The following UBR1 variants were observed in gnomAD, a reference collection of about 807,000 sequenced individuals.
UBR1 encodes the protein ubiquitin protein ligase E3 component n-recognin 1, also known as E3 ubiquitin-protein ligase UBR1.
UBR1 carries 102 observed loss-of-function variants against 242.1 expected under a neutral mutation model. The ratio of observed to expected loss-of-function variants is 0.42; its 90% confidence interval spans 0.36 to 0.50. The LOEUF (loss-of-function observed/expected upper bound fraction) is 0.50. Among genes scored for constraint, UBR1 ranks in the 20% least tolerant of loss-of-function variants. UBR1 has a pLI of 0.01. For synonymous variants in UBR1, 675 were observed against 684.8 expected (o/e 0.99, Z 0.22); for missense variants, 1,772 against 2,101.8 (o/e 0.84, Z 3.07).
chr15:42,989,688 A>G (rs2032526301), intron 34 of UBR1, among the ~76,000 whole-genome samples: 2 of 152,324 alleles, frequency 1.3e-5, no homozygotes, highest in African/African-American at 4.8e-5. Context: ...GAAAGTCACA[A>G]AGCAAGTTAG....
At chr15:43,070,145 A>G (rs1459641763) in intron 5 of UBR1, among the ~76,000 whole-genome samples, 1 of 150,876 alleles carries the variant, frequency 6.6e-6, no homozygotes, top group Non-Finnish European at 1.5e-5. Context: ...ACTCAAAGTT[A>G]TCTTCATATC....
At chr15:43,044,910 A>G (rs1187880897) in intron 14 of UBR1, among the ~76,000 whole-genome samples, 2 of 152,114 alleles carry the variant, frequency 1.3e-5, no homozygotes, top group Non-Finnish European at 2.9e-5. Flanking sequence ...AAAAAAAAGA[A>G]AGAAAGAAAT....
chr15:42,964,101 GCATT>G, intron 41 of UBR1, 58 bp from the exon 42 acceptor site: 1 of 1,168,856 alleles, frequency 8.6e-7, no homozygotes, highest in Non-Finnish European at 1.3e-6. Flanking sequence ...GTCAATCTGT[GCATT>G]AGAGTTTCTT....
At chr15:43,099,629 C>G (rs1482704124) in intron 1 of UBR1, among the ~76,000 whole-genome samples, 1 of 152,064 alleles carries the variant, frequency 6.6e-6, no homozygotes, top group Non-Finnish European at 1.5e-5. Flanking sequence ...TCTATTACCC[C>G]CACTTCCTCT....
chr15:43,069,505 G>A (rs1191807019), intron 5 of UBR1, among the ~76,000 whole-genome samples: 1 of 152,182 alleles, frequency 6.6e-6, no homozygotes, highest in Non-Finnish European at 1.5e-5. Context: ...TCGATCTCCT[G>A]ACGTCGTGAT....
chr15:43,005,175 C>T (rs1047159875), intron 30 of UBR1, among the ~76,000 whole-genome samples: 1 of 151,464 alleles, frequency 6.6e-6, no homozygotes, highest in African/African-American at 2.4e-5. Flanking sequence ...AGAGCCCCTC[C>T]GCCCAGCAGC....
rs71108195 is a variant in UBR1, at chr15:43,050,723, T to TAA, written c.1440-2234_1440-2233dup. Among the ~76,000 whole-genome samples the TAA allele has an allele frequency of 3.7e-3, 441 of 118,586 alleles. 5 individuals are homozygous for TAA. The highest frequency in any genetic ancestry group is 9.8e-3 in the African/African-American group (335 of 34,156). The allele number at this position is 118,586 out of a possible 152,430, so 77.8% of individuals were successfully genotyped here. The stretch of plus-strand genomic sequence containing the variant: ...TGGGCAACAGAGCGAGACTCCGTCT[T>TAA]AAAAAAAAAAAAAAAAAAGCGGGGC... On this transcript the variant is annotated intron_variant, in intron 12 of 46. Coordinates refer to ENST00000290650, the MANE Select transcript of UBR1 (RefSeq NM_174916.3).
chr15:43,057,645 T>G (rs972463416), intron 10 of UBR1, among the ~76,000 whole-genome samples: 2 of 152,224 alleles, frequency 1.3e-5, no homozygotes, highest in African/African-American at 4.8e-5. Flanking sequence ...GTAGAACTCT[T>G]GGCCACCTAA....
chr15:43,027,805 C>T lies in UBR1; in HGVS notation c.2403G>A (p.Glu801=). 6.2e-7 allele frequency: 1 copy of T among 1,612,768 alleles called. No individual in the cohort carries two copies. The highest frequency in any genetic ancestry group is 1.1e-5 in the South Asian group (1 of 91,058). ...PENENNETGL[E]NVINKVATFK... ...ATGTGGCCACTTTGTTTATGACATT[C>T]TCTAAGCCAGTTTCATTATTTTCCT... The change falls in exon 22 of 47, where the codon GAG becomes GAA. Residue 801 remains glutamate, a synonymous_variant. Transcript: ENST00000290650.
At chr15:43,026,391 T>C (rs1374119398) in intron 23 of UBR1, 170 bp downstream of exon 23, 1 of 587,716 alleles carries the variant, frequency 1.7e-6, no homozygotes, top group African/African-American at 1.9e-5. Context: ...AATCTGAATA[T>C]TGCCTGTATA....
chr15:43,044,825 G>A (rs2033463725), intron 14 of UBR1, among the ~76,000 whole-genome samples: 1 of 152,126 alleles, frequency 6.6e-6, no homozygotes, highest in Admixed American at 6.5e-5. Flanking sequence ...AACCCAGGAG[G>A]CGGAGGTTGC....
chr15:42,972,750 G>C (rs976302209), intron 39 of UBR1, among the ~76,000 whole-genome samples: 1 of 152,144 alleles, frequency 6.6e-6, no homozygotes, highest in Non-Finnish European at 1.5e-5. Context: ...CCCACCTATT[G>C]AAGGATGTCT....
At chr15:43,014,843 G>A (rs962004412) in intron 29 of UBR1, among the ~76,000 whole-genome samples, 3 of 150,104 alleles carry the variant, frequency 2.0e-5, no homozygotes, top group Non-Finnish European at 4.4e-5. Flanking sequence ...GTGGGGGTCA[G>A]CCCCCGCCCG....
At chr15:42,979,237 T>A (rs1295782102) in intron 37 of UBR1, among the ~76,000 whole-genome samples, 1 of 150,684 alleles carries the variant, frequency 6.6e-6, no homozygotes, top group East Asian at 1.9e-4. Context: ...AGAGATGGGG[T>A]TTCACAATGT....
chr15:43,029,010 G>A (rs1416425777), intron 21 of UBR1, among the ~76,000 whole-genome samples: 6 of 151,780 alleles, frequency 4.0e-5, no homozygotes, highest in South Asian at 4.2e-4. Flanking sequence ...GCTTGAACCC[G>A]GGAGACGGAG....
chr15:42,972,101 A>G (rs1026237061), intron 39 of UBR1, among the ~76,000 whole-genome samples: 2 of 152,214 alleles, frequency 1.3e-5, no homozygotes, highest in African/African-American at 4.8e-5. Context: ...ATGTGTAATA[A>G]TGACATGCAT....
At chr15:42,980,788 G>C (rs577137774) in intron 37 of UBR1, among the ~76,000 whole-genome samples, 142 of 152,238 alleles carry the variant, frequency 9.3e-4, no homozygotes, top group African/African-American at 3.4e-3. Flanking sequence ...TTTTTGTGGA[G>C]ACGGGGTTTC....
chr15:43,088,719 A>G (rs532173253), intron 1 of UBR1, among the ~76,000 whole-genome samples: 2 of 152,200 alleles, frequency 1.3e-5, no homozygotes, highest in Admixed American at 6.5e-5. Flanking sequence ...ACAACAAACT[A>G]TTAATAATGG....
intron 1 of UBR1, among the ~76,000 whole-genome samples, chr15:43,094,938 T>C (rs2034142007): frequency 6.6e-6 from 1 of 152,212 alleles, no homozygotes; most frequent in Admixed American, 6.5e-5. Context: ...AAACATTTTG[T>C]CCCTCCTAAG....
Sources: allele counts gnomAD v4.1 joint callset (sites outside exome capture counted in the v4.1 genomes callset), GRCh38; gene constraint gnomAD v4.1.1; transcripts MANE v1.5; gene names NCBI Gene and HGNC (gene_info 2026-07-23, HGNC 2026-07-21).